Variants in PRODH2 observed in about 807,000 individuals in gnomAD.
PRODH2 encodes proline dehydrogenase 2.
A neutral mutation model predicts 51.9 loss-of-function variants in PRODH2; 49 were observed. That is an observed-to-expected ratio of 0.94 (90% CI 0.75 to 1.20). PRODH2 has a LOEUF of 1.20. PRODH2 is among the 50% of genes most tolerant of loss of function. The pLI, the probability that PRODH2 is intolerant of heterozygous loss-of-function variation, is 0.00. For synonymous variants in PRODH2, 249 were observed against 260.7 expected (o/e 0.96, Z 0.43); for missense variants, 597 against 610.9 (o/e 0.98, Z 0.24).
rs148945232 is a variant in PRODH2, at chr19:35,800,072, C to T, written c.1349G>A (p.Arg450Gln). The T allele has an allele frequency of 3.0e-5, 49 of 1,611,814 alleles. No homozygotes were observed. The African/African-American group carries it at 3.5e-4, about 11-fold the overall frequency. ...QELLSQELWR[R>Q]LLPGCRRIPH ...TATCCTTCGGCATCCTGGCAGCAGCCGCCGCCACAGTTCTTGGCTGAGCAG... is the reference window on the plus strand; with the variant it reads ...TATCCTTCGGCATCCTGGCAGCAGCTGCCGCCACAGTTCTTGGCTGAGCAG... The change falls in exon 10 of 10, where the codon CGG becomes CAG. Residue 450 changes from arginine to glutamine, a missense_variant. Coordinates refer to ENST00000653904, the MANE Select transcript of PRODH2 (RefSeq NM_021232.2).
chr19:35,809,115 C>T (rs369384220), intron 4 of PRODH2, among the ~76,000 whole-genome samples: 2 of 150,842 alleles, frequency 1.3e-5, no homozygotes, highest in Non-Finnish European at 3.0e-5. Flanking sequence ...TTTCTTCCTT[C>T]CTTCCTTCCT....
rs1365476418 is a variant in PRODH2 at position 35,806,574 on chromosome 19, C to A, written c.857G>T (p.Arg286Met). The A allele has an allele frequency of 4.3e-6, 7 of 1,614,006 alleles. No homozygotes were observed. The African/African-American group carries it at 9.3e-5, about 22-fold the overall frequency. ...CLKDTFERLG[R>M]DAEAAHRAGL... ...GGCCCTGTGCGCAGCCTCTGCATCCCTCCCCAGCCGCTCGAATGTGTCCTA... is the reference window on the plus strand; with the variant it reads ...GGCCCTGTGCGCAGCCTCTGCATCCATCCCCAGCCGCTCGAATGTGTCCTA... The change falls in exon 7 of 10, where the codon AGG becomes ATG. Residue 286 changes from arginine (R) to methionine (M), a missense_variant. Coordinates refer to ENST00000653904, the MANE Select transcript of PRODH2 (RefSeq NM_021232.2).
chr19:35,802,679 C>T (rs1053714018), intron 8 of PRODH2, among the ~76,000 whole-genome samples: 6 of 151,770 alleles, frequency 4.0e-5, no homozygotes, highest in East Asian at 3.9e-4. Context: ...CTTCCACCTC[C>T]GGAATAGCTG....
At chr19:35,804,190 C>T (rs934833820) in intron 7 of PRODH2, among the ~76,000 whole-genome samples, 2 of 152,100 alleles carry the variant, frequency 1.3e-5, no homozygotes, top group African/African-American at 4.8e-5. Flanking sequence ...ACTTCCTTTT[C>T]GTTTTGTGTT....
chr19:35,802,500 C>A, intron 8 of PRODH2: 1 of 591,976 alleles, frequency 1.7e-6, no homozygotes, highest in Non-Finnish European at 3.0e-6. Flanking sequence ...AAATAAGGGG[C>A]AACGTCTTGT....
In PRODH2 at chr19:35,812,238, G is replaced by A. The variant is rs1290037691; in HGVS notation, c.406C>T (p.Leu136=). 6.2e-7 allele frequency: 1 copy of A among 1,613,718 alleles called. No homozygotes were observed. The highest frequency in any genetic ancestry group is 1.7e-5 in the Admixed American group (1 of 60,028). Residue 136 remains leucine, a synonymous_variant, in exon 3 of 10, where the codon CTG becomes TTG. Coordinates refer to ENST00000653904, the MANE Select transcript of PRODH2 (RefSeq NM_021232.2). ...AWYEGNLGAM[L]RCVDLSRGLL... ...CCCCGTGACAGGTCCACACACCGCA[G>A]CATAGCACCGAGGTTCCCCTCATAC...
At chr19:35,811,883 T>C in intron 4 of PRODH2, 79 bp downstream of exon 4, 4 of 1,410,604 alleles carry the variant, frequency 2.8e-6, no homozygotes, top group Non-Finnish European at 4.0e-6. Flanking sequence ...GCCGTAGCAT[T>C]TTGAACATCT....
rs1423166548 is a variant in PRODH2 at position 35,807,051 on chromosome 19, C to T, written c.668G>A (p.Arg223Gln). 10 of 1,551,634 alleles carry T rather than the reference C, an allele frequency of 6.4e-6. No individual in the cohort carries two copies. The highest frequency in any genetic ancestry group is 2.4e-5 in the East Asian group (1 of 41,174). Residue 223 changes from arginine (R) to glutamine (Q), a missense_variant, in exon 5 of 10, where the codon CGG becomes CAG. Arg to Gln is a conservative substitution (Grantham distance 43). Coordinates refer to ENST00000653904, the MANE Select transcript of PRODH2 (RefSeq NM_021232.2). ...HLRASLSRLHRVAQYARAQHV... is the reference protein window; with the variant it reads ...HLRASLSRLHQVAQYARAQHV... ...AGCAGGAGGGGTTACCTGTGCCACC[C>T]GATGCAGGCGGCTGAGGGAGGCCCG...
rs143516672 is a variant in PRODH2, at chr19:35,806,493, G to A, written c.938C>T (p.Ala313Val). The change falls in exon 7 of 10, where the codon GCG (alanine) becomes GTG (valine). Residue 313 changes from alanine (A) to valine (V), a missense_variant. Coordinates refer to ENST00000653904, the MANE Select transcript of PRODH2 (RefSeq NM_021232.2). ...TTCCATCCCATGGAGCTGGGCCACC[G>A]CTCTCTCCTTGTCCAGATATGCACC... The part of the protein sequence containing the change: ...VRGAYLDKER[A>V]VAQLHGMEDP... The A allele has an allele frequency of 8.7e-5, 140 of 1,614,104 alleles. No individual in the cohort carries two copies. The African/African-American group carries it at 1.4e-3, about 16-fold the overall frequency.
chr19:35,804,547 T>C (rs898576640), intron 7 of PRODH2, among the ~76,000 whole-genome samples: 1 of 152,218 alleles, frequency 6.6e-6, no homozygotes, highest in Non-Finnish European at 1.5e-5. Flanking sequence ...TGTCCCCAGG[T>C]CACACAGCTA....
intron 7 of PRODH2, among the ~76,000 whole-genome samples, chr19:35,804,463 A>G (rs947172425): frequency 1.3e-5 from 2 of 152,206 alleles, no homozygotes; most frequent in African/African-American, 4.8e-5. Flanking sequence ...TTCCCACATC[A>G]ACTCTGGGAG....
chr19:35,812,126 C>G lies in PRODH2; in HGVS notation c.510+8G>C. 6.2e-7 allele frequency: 1 copy of G among 1,613,602 alleles called. No individual in the cohort carries two copies. The highest frequency in any genetic ancestry group is 8.5e-7 in the Non-Finnish European group (1 of 1,179,638). On this transcript the variant is annotated splice_region_variant and intron_variant, in intron 3 of 9. Coordinates refer to ENST00000653904, the MANE Select transcript of PRODH2 (RefSeq NM_021232.2). ...CCCTCCCCGCACCCCCGTCTTTGCACTCCTTACACAGAGCCGAGTACTGGT... is the reference window on the plus strand; with the variant it reads ...CCCTCCCCGCACCCCCGTCTTTGCAGTCCTTACACAGAGCCGAGTACTGGT...
intron 4 of PRODH2, among the ~76,000 whole-genome samples, chr19:35,810,952 T>C (rs1163487345): frequency 6.6e-6 from 1 of 152,182 alleles, no homozygotes; most frequent in Non-Finnish European, 1.5e-5. Context: ...CGAATAATTA[T>C]TGGGCTCTAA....
intron 4 of PRODH2, 32 bp downstream of exon 4, chr19:35,811,930 C>G: frequency 6.2e-7 from 1 of 1,603,148 alleles, no homozygotes; most frequent in Non-Finnish European, 8.5e-7. Context: ...CCAAGGCACT[C>G]TGTCCCCGAC....
chr19:35,812,045 C>G lies in PRODH2; in HGVS notation c.514G>C (p.Glu172Gln). The change falls in exon 4 of 10, where the codon GAG becomes CAG. Residue 172 changes from glutamate (E) to glutamine (Q), a missense_variant. Physicochemically the swap from Glu to Gln is conservative, Grantham distance 29. Transcript: ENST00000653904. ...GGCCTTCTGACCCACGAGGCTAGCT[C>G]CTTCTGAAATGGGGTGGTAGGCGGG... ...TALTSTRLCK[E>Q]LASWVRRPGA... The G allele has an allele frequency of 1.2e-6, 2 of 1,614,198 alleles. No homozygotes were observed. Among genetic ancestry groups the G allele is most frequent in the South Asian group, 2.2e-5 (2 of 91,076 alleles).
At chr19:35,805,013 C>T (rs1180666537) in intron 7 of PRODH2, among the ~76,000 whole-genome samples, 1 of 151,986 alleles carries the variant, frequency 6.6e-6, no homozygotes, top group Non-Finnish European at 1.5e-5. Flanking sequence ...ATAAGATTGT[C>T]TAGAATAGGC....
chr19:35,809,483 T>C (rs561321970), intron 4 of PRODH2, among the ~76,000 whole-genome samples: 5 of 152,154 alleles, frequency 3.3e-5, no homozygotes, highest in Admixed American at 2.0e-4. Context: ...CCTCCCAAAA[T>C]GCAGATTACA....
At chr19:35,804,819 T>C (rs919279947) in intron 7 of PRODH2, among the ~76,000 whole-genome samples, 7 of 152,254 alleles carry the variant, frequency 4.6e-5, no homozygotes, top group South Asian at 4.1e-4. Context: ...GCTGGTGGTC[T>C]TAGCTACTGG....
intron 7 of PRODH2, among the ~76,000 whole-genome samples, 167 bp from the exon 8 acceptor site, chr19:35,803,245 G>GT (rs1267261375): frequency 1.3e-5 from 2 of 152,002 alleles, no homozygotes; most frequent in Non-Finnish European, 2.9e-5. Context: ...ATCTTCTGGG[G>GT]TTTTTTGGGG....
Sources: gnomAD v4.1 joint callset for allele counts (sites outside exome capture counted in the v4.1 genomes callset) on GRCh38, gnomAD v4.1.1 for gene constraint, MANE v1.5 for transcripts, NCBI Gene and HGNC (gene_info 2026-07-23, HGNC 2026-07-21) for gene names.